Variants in TP63 observed in about 807,000 individuals in gnomAD.
The protein encoded by TP63 is tumor protein 63.
A neutral mutation model predicts 82.8 loss-of-function variants in TP63; 17 were observed. The observed-to-expected ratio is 0.21, with a 90% CI of 0.14 to 0.31. The LOEUF (loss-of-function observed/expected upper bound fraction) is 0.31, where lower values mean the gene tolerates loss of function less well. Among genes scored for constraint, TP63 ranks in the 10% least tolerant of loss-of-function variants. The probability of loss-of-function intolerance (pLI) is 1.00; values close to 1 mark genes in which losing one functional copy is unlikely to be tolerated. For synonymous variants in TP63, 330 were observed against 321.7 expected (o/e 1.03, Z -0.28); for missense variants, 648 against 895.3 (o/e 0.72, Z 3.52).
At chr3:189,720,390 A>G (rs1719290419) in intron 1 of TP63, among the ~76,000 whole-genome samples, 1 of 152,194 alleles carries the variant, frequency 6.6e-6, no homozygotes, top group African/African-American at 2.4e-5. Context: ...CATACATTGT[A>G]CATAGAATGT....
chr3:189,730,838 G>A (rs1720112344), intron 1 of TP63, among the ~76,000 whole-genome samples: 1 of 152,122 alleles, frequency 6.6e-6, no homozygotes, highest in Admixed American at 6.6e-5. Context: ...TGAGCTTCTG[G>A]TCTGCATCAC....
chr3:189,634,395 C>G (rs1023357402), intron 1 of TP63, among the ~76,000 whole-genome samples: 1 of 151,884 alleles, frequency 6.6e-6, no homozygotes, highest in Admixed American at 6.6e-5. Context: ...AATGTTAATG[C>G]CATTCCAAAA....
chr3:189,661,860 A>T (rs1713914654), intron 1 of TP63, among the ~76,000 whole-genome samples: 4 of 152,038 alleles, frequency 2.6e-5, no homozygotes, highest in Admixed American at 2.6e-4. Context: ...GTGAATAGAT[A>T]TGTTTATAAT....
chr3:189,696,586 A>G (rs768924317), intron 1 of TP63, among the ~76,000 whole-genome samples: 6 of 152,140 alleles, frequency 3.9e-5, no homozygotes, highest in Non-Finnish European at 7.4e-5. Flanking sequence ...TGAATCTTCT[A>G]TAGTAAGGGC....
rs551607790 is a variant in TP63, at chr3:189,812,878, G to GT, written c.579+4358dup. On this transcript the variant is annotated intron_variant, in intron 4 of 13. Coordinates refer to ENST00000264731, the MANE Select transcript of TP63 (RefSeq NM_003722.5). ...AATGAAAAATAAAATTTCAACTAAT[G>GT]TTTTTTCTTAAAGCTTTTGGGCTAT... 5.9e-5 allele frequency among the ~76,000 whole-genome samples: 9 copies of GT among 152,214 alleles called. No individual in the cohort carries two copies. The East Asian group carries it at 1.4e-3, about 23-fold the overall frequency.
intron 1 of TP63, among the ~76,000 whole-genome samples, chr3:189,688,286 G>C (rs1001922464): frequency 6.6e-6 from 1 of 152,172 alleles, no homozygotes; most frequent in Non-Finnish European, 1.5e-5. Flanking sequence ...TTTAACTAAA[G>C]TCTCCACATT....
chr3:189,599,383 C>A, the TP63 span, among the ~76,000 whole-genome samples: 1 of 152,194 alleles, frequency 6.6e-6, no homozygotes, highest in Non-Finnish European at 1.5e-5. Flanking sequence ...CATCAATTCC[C>A]ATAATGTATC....
At chr3:189,633,221 T>TG (rs943867418) in intron 1 of TP63, among the ~76,000 whole-genome samples, 5 of 151,620 alleles carry the variant, frequency 3.3e-5, no homozygotes, top group African/African-American at 1.2e-4. Flanking sequence ...ATAGTATTTT[T>TG]GGTTTTTTTT....
At chr3:189,801,034 C>T (rs150527330) in intron 3 of TP63, among the ~76,000 whole-genome samples, 4 of 151,964 alleles carry the variant, frequency 2.6e-5, no homozygotes, top group East Asian at 3.9e-4. Context: ...TTTAATCACC[C>T]GTTGTTTTAA....
chr3:189,598,372 A>G, the TP63 span, among the ~76,000 whole-genome samples: 1 of 152,058 alleles, frequency 6.6e-6, no homozygotes, highest in East Asian at 1.9e-4. Context: ...AAGGCGAGGC[A>G]AGAGAAGAAG....
At chr3:189,826,599 T>C (rs1711505039) in intron 4 of TP63, among the ~76,000 whole-genome samples, 1 of 152,322 alleles carries the variant, frequency 6.6e-6, no homozygotes, top group Non-Finnish European at 1.5e-5. Context: ...TTGCAGGATA[T>C]GTGTAGAGCT....
At chr3:189,673,568 A>T (rs1225450219) in intron 1 of TP63, among the ~76,000 whole-genome samples, 2 of 152,172 alleles carry the variant, frequency 1.3e-5, no homozygotes, top group Non-Finnish European at 2.9e-5. Flanking sequence ...TAGGTCGTTA[A>T]CAACTGAAAA....
chr3:189,784,799 T>G (rs867162208), intron 3 of TP63, among the ~76,000 whole-genome samples: 1 of 152,052 alleles, frequency 6.6e-6, no homozygotes, highest in South Asian at 2.1e-4. Flanking sequence ...TAAAAATTGA[T>G]TTGTTGAACT....
intron 3 of TP63, among the ~76,000 whole-genome samples, chr3:189,786,108 A>T (rs1202503874): frequency 6.6e-6 from 1 of 152,074 alleles, no homozygotes; most frequent in Non-Finnish European, 1.5e-5. Flanking sequence ...TCGGTATTTT[A>T]TGAAAATGGC....
chr3:189,791,092 T>C (rs1725092447), intron 3 of TP63, among the ~76,000 whole-genome samples: 2 of 152,288 alleles, frequency 1.3e-5, no homozygotes, highest in South Asian at 4.1e-4. Flanking sequence ...CTTAAAATGT[T>C]ACCAATTTGT....
intron 1 of TP63, among the ~76,000 whole-genome samples, chr3:189,670,223 A>G (rs1458053016): frequency 6.6e-6 from 1 of 152,094 alleles, no homozygotes; most frequent in Non-Finnish European, 1.5e-5. Context: ...TCATAAACAG[A>G]TATAGTTGGT....
At chr3:189,848,272 T>TCTC (rs1279828077) in intron 4 of TP63, among the ~76,000 whole-genome samples, 12 of 148,632 alleles carry the variant, frequency 8.1e-5, no homozygotes, top group African/African-American at 1.7e-4. Flanking sequence ...TCTCTCTCTG[T>TCTC]TGCCTAGGCT....
At chr3:189,847,937 T>C (rs1715099574) in intron 4 of TP63, among the ~76,000 whole-genome samples, 1 of 152,214 alleles carries the variant, frequency 6.6e-6, no homozygotes, top group African/African-American at 2.4e-5. Context: ...GATTGTCTAA[T>C]CATATATTTT....
At chr3:189,748,508 C>CAAAAAAAAAA (rs58926854) in intron 3 of TP63, among the ~76,000 whole-genome samples, 4 of 31,254 alleles carry the variant, frequency 1.3e-4, no homozygotes, top group African/African-American at 1.3e-4. Flanking sequence ...AGGAAAACTA[C>CAAAAAAAAAA]AAAAAAAAAA....
Sources: allele counts gnomAD v4.1 joint callset (sites outside exome capture counted in the v4.1 genomes callset), GRCh38; gene constraint gnomAD v4.1.1; transcripts MANE v1.5; gene names NCBI Gene and HGNC (gene_info 2026-07-23, HGNC 2026-07-21).